The following DDX10 variants were observed in gnomAD, a reference collection of about 807,000 sequenced individuals.
DDX10 encodes the protein DEAD-box helicase 10.
DDX10 carries 74 observed loss-of-function variants against 104.3 expected under a neutral mutation model. The observed-to-expected ratio is 0.71, with a 90% CI of 0.59 to 0.86. The LOEUF is 0.86. Ranked by LOEUF, DDX10 falls within the 40% of genes least tolerant of loss-of-function variation. DDX10 has a pLI of 0.00. For synonymous variants in DDX10, 351 were observed against 353.4 expected (o/e 0.99, Z 0.08); for missense variants, 952 against 1,040.0 (o/e 0.92, Z 1.16).
chr11:108,891,987 TGA>T (rs1196601595), intron 16 of DDX10, among the ~76,000 whole-genome samples: 3 of 152,164 alleles, frequency 2.0e-5, no homozygotes, highest in African/African-American at 7.2e-5. Context: ...ACCAGAAAAC[TGA>T]GAGACCTGGA....
At chr11:108,822,027 T>C (rs1197613603) in intron 13 of DDX10, among the ~76,000 whole-genome samples, 6 of 152,200 alleles carry the variant, frequency 3.9e-5, no homozygotes, top group Non-Finnish European at 8.8e-5. Context: ...ATAAAACCAA[T>C]TTCCATTAAG....
At chr11:108,678,176 C>A in intron 4 of DDX10, 139 bp from the exon 5 acceptor site, 6 of 816,806 alleles carry the variant, frequency 7.3e-6, no homozygotes, top group Non-Finnish European at 1.1e-5. Flanking sequence ...TTCAGAAATA[C>A]AAGGGAAAAG....
intron 17 of DDX10, among the ~76,000 whole-genome samples, chr11:108,922,756 A>C (rs2134668642): frequency 6.6e-6 from 1 of 152,360 alleles, no homozygotes; most frequent in Admixed American, 6.5e-5. Flanking sequence ...CTAAAAGAGA[A>C]CTTGCTTATA....
chr11:108,723,463 G>GT lies in DDX10; in HGVS notation c.1965+2dup. On this transcript the variant is annotated splice_donor_variant, in intron 13 of 17. Transcript: ENST00000322536. LOFTEE classifies it high-confidence loss of function. ...CCTTAAAGACGAGAAAACATTACAG[G>GT]TAAGTTTACTCCCAGTGGAGGGTCT... 6.2e-7 allele frequency: 1 copy of GT among 1,608,470 alleles called. No individual in the cohort carries two copies. Among genetic ancestry groups the GT allele is most frequent in the Non-Finnish European group, 8.5e-7 (1 of 1,177,544 alleles).
chr11:108,673,379 AG>A, intron 1 of DDX10, 87 bp from the exon 2 acceptor site: 2 of 836,580 alleles, frequency 2.4e-6, no homozygotes, highest in Non-Finnish European at 3.9e-6. Context: ...TGAATTACCA[AG>A]GATGAGCTGG....
intron 13 of DDX10, among the ~76,000 whole-genome samples, chr11:108,790,589 A>G (rs1164520965): frequency 6.6e-6 from 1 of 152,158 alleles, no homozygotes; most frequent in Non-Finnish European, 1.5e-5. Flanking sequence ...GCCAAAAAGA[A>G]TATAATGTCC....
In DDX10 at chr11:108,673,496, A is replaced by C. The variant is rs755586925; in HGVS notation, c.216A>C (p.Ser72=). 1 of 1,599,254 alleles carries C rather than the reference A, an allele frequency of 6.3e-7. No homozygotes were observed. Among genetic ancestry groups the C allele is most frequent in the Non-Finnish European group, 8.6e-7 (1 of 1,167,180 alleles). ...ATGTAAATGAAATCACAAGATTTTC[A>C]GATTTTCCCTTGTCCAAAAAAACAT... The part of the protein sequence containing the change: ...KINVNEITRF[S]DFPLSKKTLK... Residue 72 remains serine, a synonymous_variant, in exon 2 of 18, where the codon TCA becomes TCC. Coordinates refer to ENST00000322536, the MANE Select transcript of DDX10 (RefSeq NM_004398.4).
At chr11:108,879,022 G>T (rs927448057) in intron 16 of DDX10, among the ~76,000 whole-genome samples, 7 of 151,476 alleles carry the variant, frequency 4.6e-5, no homozygotes, top group African/African-American at 1.7e-4. Context: ...GTTTTGTTTT[G>T]GAGACGGAGT....
At chr11:108,736,589 A>T (rs1468707094) in intron 13 of DDX10, among the ~76,000 whole-genome samples, 1 of 152,182 alleles carries the variant, frequency 6.6e-6, no homozygotes, top group Non-Finnish European at 1.5e-5. Context: ...AGAGGTGATT[A>T]GGTCATGAGG....
chr11:108,793,868 T>C (rs1278450022), intron 13 of DDX10, among the ~76,000 whole-genome samples: 6 of 132,672 alleles, frequency 4.5e-5, no homozygotes, highest in Non-Finnish European at 9.5e-5. Flanking sequence ...TTCTATTTTT[T>C]ACCTCCATGA....
chr11:108,820,871 A>G (rs747666202), intron 13 of DDX10, among the ~76,000 whole-genome samples: 3 of 152,210 alleles, frequency 2.0e-5, no homozygotes, highest in Non-Finnish European at 4.4e-5. Context: ...GTCAAGTTAA[A>G]TGTGAAATAT....
intron 13 of DDX10, among the ~76,000 whole-genome samples, chr11:108,824,475 TG>T (rs1261234167): frequency 6.6e-6 from 1 of 152,096 alleles, no homozygotes; most frequent in Non-Finnish European, 1.5e-5. Flanking sequence ...TTTATTTTTT[TG>T]CTATGTAGCA....
chr11:108,884,413 C>T (rs543495739), intron 16 of DDX10, among the ~76,000 whole-genome samples: 4 of 152,086 alleles, frequency 2.6e-5, no homozygotes, highest in Non-Finnish European at 5.9e-5. Flanking sequence ...TGCCTGCTTC[C>T]CTCCTCCCTC....
chr11:108,778,442 G>A (rs1192199080), intron 13 of DDX10, among the ~76,000 whole-genome samples: 3 of 152,214 alleles, frequency 2.0e-5, no homozygotes, highest in Non-Finnish European at 4.4e-5. Context: ...AAGCAATGGG[G>A]AAAGGATTCT....
At chr11:108,767,858 C>T (rs564336066) in intron 13 of DDX10, 2 of 152,560 alleles carry the variant, frequency 1.3e-5, no homozygotes, top group South Asian at 4.1e-4. Flanking sequence ...TCTCCTGCCT[C>T]CCTTTGCACC....
At chr11:108,863,474 A>G (rs915721149) in intron 16 of DDX10, among the ~76,000 whole-genome samples, 2 of 152,304 alleles carry the variant, frequency 1.3e-5, no homozygotes, top group South Asian at 4.1e-4. Flanking sequence ...CCCTTACTAC[A>G]GATACATTTG....
intron 16 of DDX10, among the ~76,000 whole-genome samples, chr11:108,876,497 A>G (rs2726920): frequency 0.75 from 114,247 of 152,052 alleles, 43,279 homozygotes; most frequent in Admixed American, 0.79. Flanking sequence ...TGGATATTTA[A>G]TTAATTTGGC....
rs541501061 is a variant in DDX10, at chr11:108,879,868, G to T, written c.2304+27659G>T. Among the ~76,000 whole-genome samples, 5 of 152,170 alleles carry T rather than the reference G, an allele frequency of 3.3e-5. No homozygotes were observed. In the East Asian group the frequency reaches 9.6e-4, roughly 29 times the overall value. The stretch of plus-strand genomic sequence containing the variant: ...CCAGGTGGCCATATCAAAATGTTCT[G>T]TTGCTTCTTAAACCTATCAAGACCA... On this transcript the variant is annotated intron_variant, in intron 16 of 17. Coordinates refer to ENST00000322536, the MANE Select transcript of DDX10 (RefSeq NM_004398.4).
At chr11:108,666,769 A>G (rs781208987) in intron 1 of DDX10, among the ~76,000 whole-genome samples, 1 of 152,204 alleles carries the variant, frequency 6.6e-6, no homozygotes, top group Non-Finnish European at 1.5e-5. Context: ...GGGCCTACAC[A>G]GATAATCCAG....
Sources: allele counts gnomAD v4.1 joint callset (sites outside exome capture counted in the v4.1 genomes callset), GRCh38; gene constraint gnomAD v4.1.1; transcripts MANE v1.5; gene names NCBI Gene and HGNC (gene_info 2026-07-23, HGNC 2026-07-21).